The following ABHD16A variants were observed in gnomAD, a reference collection of about 807,000 sequenced individuals.
The protein encoded by ABHD16A is abhydrolase domain containing 16A, phospholipase.
Under a neutral mutation model 89.8 loss-of-function variants are expected in ABHD16A, and 47 were observed. The observed-to-expected ratio is 0.52, with a 90% CI of 0.41 to 0.67. The LOEUF is 0.67. ABHD16A is among the 30% of genes least tolerant of loss of function. The pLI is 0.00. For missense variants in ABHD16A, 580 were observed against 734.6 expected, an observed-to-expected ratio of 0.79 and a Z score of 2.43; for synonymous variants, 251 against 280.4, an observed-to-expected ratio of 0.90 and a Z score of 1.05.
At chr6:31,695,175 G>A (rs905571935) in intron 5 of ABHD16A, among the ~76,000 whole-genome samples, 1 of 152,094 alleles carries the variant, frequency 6.6e-6, no homozygotes, top group Non-Finnish European at 1.5e-5. Context: ...TAACAGAAAA[G>A]AGCTCTATGG....
At chr6:31,697,267 T>C (rs1804490702) in intron 4 of ABHD16A, among the ~76,000 whole-genome samples, 1 of 152,224 alleles carries the variant, frequency 6.6e-6, no homozygotes, top group African/African-American at 2.4e-5. Flanking sequence ...TGTGTCTTTA[T>C]AGACAATCCT....
chr6:31,689,677 T>C lies in ABHD16A; in HGVS notation c.985A>G (p.Asn329Asp). Residue 329 changes from asparagine to aspartate, a missense_variant, in exon 12 of 20, where the codon AAT becomes GAT. Around this residue, in one of 2 missense-constraint regions of ABHD16A, gnomAD observed 415 missense variants for 568.8 expected, o/e 0.73. Transcript: ENST00000395952. ...TGVPFPQNEANAMDVVVQFAI... is the reference protein window; with the variant it reads ...TGVPFPQNEADAMDVVVQFAI... ...AACTGGACCACCACATCCATGGCAT[T>C]AGCCTCATTCTGCGGGAATGGCACC... 1 of 1,612,362 alleles carries C rather than the reference T, an allele frequency of 6.2e-7. No individual in the cohort carries two copies. Among genetic ancestry groups the C allele is most frequent in the Non-Finnish European group, 8.5e-7 (1 of 1,179,678 alleles).
intron 4 of ABHD16A, among the ~76,000 whole-genome samples, chr6:31,700,544 CAGG>C (rs1804866873): frequency 6.6e-6 from 1 of 152,110 alleles, no homozygotes; most frequent in African/African-American, 2.4e-5. Context: ...TATACATGTG[CAGG>C]AGTTTTCCTA....
intron 7 of ABHD16A, chr6:31,692,178 A>G (rs1043863450): frequency 4.8e-6 from 2 of 418,302 alleles, no homozygotes; most frequent in African/African-American, 2.0e-5. Flanking sequence ...GAATTCTGAG[A>G]GTTTTATGAT....
chr6:31,689,820 G>T (rs1338338445), intron 11 of ABHD16A, 116 bp from the exon 12 acceptor site: 3 of 1,435,164 alleles, frequency 2.1e-6, no homozygotes, highest in Non-Finnish European at 2.8e-6. Context: ...GGTGTAGAAG[G>T]AAGGGATGGT....
At position 31,687,956 on chromosome 6, in the gene ABHD16A, T is replaced by C. The variant is rs1019677730; in HGVS notation, c.1371-56A>G. On this transcript the variant is annotated intron_variant, in intron 16 of 19. Transcript: ENST00000395952. The surrounding 1 kb of genome is among the most constrained non-coding windows in gnomAD (Gnocchi z 6.3). ...CTGATTTTTTTTCATTCACCATCCC[T>C]GAACCTTCCTCCCTCCTTCCCTGTG... 4 of 1,612,278 alleles carry C rather than the reference T, an allele frequency of 2.5e-6. No individual in the cohort carries two copies. The highest frequency in any genetic ancestry group is 2.5e-6 in the Non-Finnish European group (3 of 1,179,722).
At chr6:31,701,143 G>A in intron 3 of ABHD16A, 115 bp from the exon 4 acceptor site, 1 of 1,321,474 alleles carries the variant, frequency 7.6e-7, no homozygotes, top group Non-Finnish European at 1.1e-6. Context: ...CATACCCTAA[G>A]AGGAAGAAGA....
At position 31,688,927 on chromosome 6, in the gene ABHD16A, C is replaced by CCA. The variant is rs1299628264; in HGVS notation, c.1186+86_1186+87dup. The CCA allele has an allele frequency of 2.1e-6, 3 of 1,435,986 alleles. No homozygotes were observed. The highest frequency in any genetic ancestry group is 1.8e-4 in the Middle Eastern group (1 of 5,628). The allele number at this position is 1,435,986 out of a possible 1,614,324, so 89.0% of individuals were successfully genotyped here. On this transcript the variant is annotated intron_variant, in intron 13 of 19. Coordinates refer to ENST00000395952, the MANE Select transcript of ABHD16A (RefSeq NM_021160.3). The surrounding 1 kb of genome is among the most constrained non-coding windows in gnomAD (Gnocchi z 4.9). ...TTCCAACAATGGGGCGACTTACTCC[C>CCA]CACCCAAGAAAAGGGAGCCATCTCA...
At position 31,687,255 on chromosome 6, in the gene ABHD16A, G is replaced by A; in HGVS notation, c.1634C>T (p.Thr545Ile). ...CTGGAAGTTCTGGGCTGGGAGTGGG[G>A]TGCAGTGAGTGGCCTCAAAGTTGTG... ...HLHNFEATHC[T>I]PLPAQNFQMP... Residue 545 changes from threonine (T) to isoleucine (I), a missense_variant, in exon 20 of 20, where the codon ACC (threonine) becomes ATC (isoleucine). By Grantham distance (89) the Thr-to-Ile change is moderately conservative. Around this residue, in one of 2 missense-constraint regions of ABHD16A, gnomAD observed 415 missense variants for 568.8 expected, o/e 0.73. Coordinates refer to ENST00000395952, the MANE Select transcript of ABHD16A (RefSeq NM_021160.3). This position sits in a 1 kb window ranked among gnomAD's most constrained non-coding sequence, Gnocchi z 6.3. 6.2e-7 allele frequency: 1 copy of A among 1,612,954 alleles called. No individual in the cohort carries two copies. The highest frequency in any genetic ancestry group is 2.2e-5 in the East Asian group (1 of 44,878).
chr6:31,691,873 G>A lies in ABHD16A; in HGVS notation c.672C>T (p.Gly224=), dbSNP rs1734402730. The A allele has an allele frequency of 1.9e-6, 3 of 1,611,486 alleles. No individual in the cohort carries two copies. Among genetic ancestry groups the A allele is most frequent in the Non-Finnish European group, 2.5e-6 (3 of 1,179,790 alleles). ...HTLGRRMLYP[G]SVYLLQKALM... ...GGGCCTTCTGCAGCAGGTACACAGAGCCTGGATACAGCATCCGGCGCCCTA... is the reference window on the plus strand; with the variant it reads ...GGGCCTTCTGCAGCAGGTACACAGAACCTGGATACAGCATCCGGCGCCCTA... Residue 224 remains glycine, a synonymous_variant, in exon 8 of 20, where the codon GGC becomes GGT. Coordinates refer to ENST00000395952, the MANE Select transcript of ABHD16A (RefSeq NM_021160.3).
Position 31,687,829 on chromosome 6 carries a change from T to C in ABHD16A, c.1442A>G (p.Glu481Gly). The C allele has an allele frequency of 6.2e-7, 1 of 1,612,920 alleles. No individual in the cohort carries two copies. The highest frequency in any genetic ancestry group is 1.3e-5 in the African/African-American group (1 of 75,012). The change falls in exon 17 of 20, where the codon GAG (glutamate) becomes GGG (glycine). Residue 481 changes from glutamate to glycine, a missense_variant. By Grantham distance (98) the Glu-to-Gly change is moderately conservative (BLOSUM62 -2). Coordinates refer to ENST00000395952, the MANE Select transcript of ABHD16A (RefSeq NM_021160.3). The surrounding 1 kb of genome is among the most constrained non-coding windows in gnomAD (Gnocchi z 6.3). ...RQWLEASSQL[E>G]EASIYSRWEV... ...CTCACTGGATCCCTTCTCACCTTCC[T>C]CCAGCTGTGAGGAGGCCTCCAACCA...
At position 31,690,364 on chromosome 6, in the gene ABHD16A, C is replaced by G; in HGVS notation, c.907+175G>C. On this transcript the variant is annotated intron_variant, in intron 10 of 19. Coordinates refer to ENST00000395952, the MANE Select transcript of ABHD16A (RefSeq NM_021160.3). The surrounding 1 kb of genome is among the most constrained non-coding windows in gnomAD (Gnocchi z 4.1). ...AAAGCATAATAGCTAGGGACACAGG[C>G]CAGGGGAGGGATGTAAGGTTATCAA... is the stretch of plus-strand genomic sequence containing the variant. The G allele has an allele frequency of 1.4e-6, 1 of 730,682 alleles. No individual in the cohort carries two copies. Among genetic ancestry groups the G allele is most frequent in the East Asian group, 2.7e-5 (1 of 37,578 alleles). The allele number at this position is 730,682 out of a possible 1,614,324, so 45.3% of individuals were successfully genotyped here.
At chr6:31,699,286 G>A (rs1004358284) in intron 4 of ABHD16A, among the ~76,000 whole-genome samples, 25 of 151,948 alleles carry the variant, frequency 1.6e-4, no homozygotes, top group African/African-American at 5.3e-4. Flanking sequence ...GTGGGCGCCT[G>A]TAGTCCCAGC....
chr6:31,687,130 G>T lies in ABHD16A; in HGVS notation c.*82C>A. ...TTCCACAAACTATAAACAGCAACAT[G>T]AACACAGAGAATCACAAATAAGAGG... On this transcript the variant is annotated 3_prime_UTR_variant, in exon 20 of 20. Coordinates refer to ENST00000395952, the MANE Select transcript of ABHD16A (RefSeq NM_021160.3). The surrounding 1 kb of genome is among the most constrained non-coding windows in gnomAD (Gnocchi z 6.3). 1.5e-6 allele frequency: 2 copies of T among 1,337,404 alleles called. No individual in the cohort carries two copies. The highest frequency in any genetic ancestry group is 2.1e-6 in the Non-Finnish European group (2 of 957,702). The allele number at this position is 1,337,404 out of a possible 1,614,324, so 82.8% of individuals were successfully genotyped here.
chr6:31,702,202 T>G, intron 1 of ABHD16A, 72 bp from the exon 2 acceptor site: 2 of 1,445,096 alleles, frequency 1.4e-6, no homozygotes, highest in Non-Finnish European at 1.9e-6. Flanking sequence ...TCAGAAGCCC[T>G]GCTGTGTGTC....
At position 31,693,534 on chromosome 6, in the gene ABHD16A, C is replaced by T. The variant is rs540295522; in HGVS notation, c.430-102G>A. On this transcript the variant is annotated intron_variant, in intron 5 of 19. Coordinates refer to ENST00000395952, the MANE Select transcript of ABHD16A (RefSeq NM_021160.3). The surrounding 1 kb of genome is among the most constrained non-coding windows in gnomAD (Gnocchi z 5.0). Reference sequence around the variant, plus strand: ...GTTATCCAGGGGTCTGATCCCCACACATCATGGGGAAACCAAGCGGAGGTC... The same window carrying T: ...GTTATCCAGGGGTCTGATCCCCACATATCATGGGGAAACCAAGCGGAGGTC... 3.6e-6 allele frequency: 4 copies of T among 1,111,640 alleles called. No homozygotes were observed. Among genetic ancestry groups the T allele is most frequent in the African/African-American group, 1.6e-5 (1 of 64,482 alleles). The allele number at this position is 1,111,640 out of a possible 1,614,324, so 68.9% of individuals were successfully genotyped here. A position where few individuals can be genotyped will look rare whatever the true frequency, so the allele number is the denominator to read the frequency against.
rs1217553136 is a variant in ABHD16A at position 31,698,221 on chromosome 6, G to T, written c.344-1188C>A. Among the ~76,000 whole-genome samples the T allele has an allele frequency of 3.3e-5, 5 of 151,046 alleles. No homozygotes were observed. Among genetic ancestry groups the T allele is most frequent in the Admixed American group, 1.3e-4 (2 of 15,148 alleles). The stretch of plus-strand genomic sequence containing the variant: ...GATGGCAGCTTAGACTTGAGGAACT[G>T]AGGTATATGTTTCATAAAAGTATGT... On this transcript the variant is annotated intron_variant, in intron 4 of 19. Transcript: ENST00000395952. The surrounding 1 kb of genome is among the most constrained non-coding windows in gnomAD (Gnocchi z 4.1).
Position 31,703,289 on chromosome 6 carries a change from G to A in ABHD16A, c.-8C>T. 2 of 1,342,662 alleles carry A rather than the reference G, an allele frequency of 1.5e-6. No individual in the cohort carries two copies. The highest frequency in any genetic ancestry group is 9.7e-7 in the Non-Finnish European group (1 of 1,035,220). 83.2% of individuals were successfully genotyped at this position (1,342,662 alleles called of 1,614,324 possible). A position where few individuals can be genotyped will look rare whatever the true frequency, so the allele number is the denominator to read the frequency against. On this transcript the variant is annotated 5_prime_UTR_variant, in exon 1 of 20. Coordinates refer to ENST00000395952, the MANE Select transcript of ABHD16A (RefSeq NM_021160.3). ...GCTCAGCAGCTTCGCCATGGCCCCG[G>A]CTCGGGCCGCTGCTCTTCCAGCAGC... is the stretch of plus-strand genomic sequence containing the variant.
intron 7 of ABHD16A, 137 bp downstream of exon 7, chr6:31,692,890 C>A: frequency 8.3e-7 from 1 of 1,202,568 alleles, no homozygotes; most frequent in Non-Finnish European, 1.2e-6. Context: ...AATGACTTTG[C>A]CATAAATGAT....
Sources: gnomAD v4.1 joint callset for allele counts (sites outside exome capture counted in the v4.1 genomes callset) on GRCh38, gnomAD v4.1.1 for gene constraint, gnomAD v4.1.1 regional missense constraint, Gnocchi (gnomAD v3.1) non-coding constraint, MANE v1.5 for transcripts, NCBI Gene and HGNC (gene_info 2026-07-23, HGNC 2026-07-21) for gene names.